Variants in STYX observed in about 807,000 individuals in gnomAD.
STYX encodes the protein serine/threonine/tyrosine-interacting protein.
Under a neutral mutation model 42.7 loss-of-function variants are expected in STYX, and 20 were observed. The observed-to-expected ratio is 0.47, with a 90% CI of 0.33 to 0.68. The LOEUF (loss-of-function observed/expected upper bound fraction) is 0.68. Among genes scored for constraint, STYX ranks in the 30% least tolerant of loss-of-function variants. The pLI, the probability that STYX is intolerant of heterozygous loss-of-function variation, is 0.02. For missense variants in STYX, 226 were observed against 268.5 expected (o/e 0.84, Z 1.11); for synonymous variants, 78 against 81.9 (o/e 0.95, Z 0.26).
chr14:52,774,241 T>C lies in STYX; in HGVS notation c.*3135T>C, dbSNP rs1231146130. On this transcript the variant is annotated 3_prime_UTR_variant, in exon 11 of 11. Transcript: ENST00000354586. ...TGTCAGAAAATGTTAAGCATGTCTG[T>C]ATTAAGAAAATATAAGGTTTCTAAT... 3 of 152,178 alleles carry C rather than the reference T, an allele frequency of 2.0e-5. No individual in the cohort carries two copies. Among genetic ancestry groups the C allele is most frequent in the African/African-American group, 7.2e-5 (3 of 41,448 alleles). The allele number at this position is 152,178 out of a possible 1,614,324, so 9.4% of individuals were successfully genotyped here. A position where few individuals can be genotyped will look rare whatever the true frequency, so the allele number is the denominator to read the frequency against.
chr14:52,763,488 T>C (rs1882180623), intron 9 of STYX, among the ~76,000 whole-genome samples: 2 of 152,208 alleles, frequency 1.3e-5, no homozygotes, highest in South Asian at 4.1e-4. Flanking sequence ...CTATTAATTA[T>C]CCTCTTTGCA....
chr14:52,759,063 T>A (rs1240942005), intron 8 of STYX, among the ~76,000 whole-genome samples: 1 of 152,188 alleles, frequency 6.6e-6, no homozygotes, highest in Non-Finnish European at 1.5e-5. Flanking sequence ...TAAATAAACC[T>A]CTTTAACCAG....
chr14:52,734,195 G>T (rs1594861615), intron 1 of STYX, among the ~76,000 whole-genome samples: 1 of 152,224 alleles, frequency 6.6e-6, no homozygotes, highest in East Asian at 1.9e-4. Flanking sequence ...TTTGCAACGG[G>T]AGTAGCCTCT....
chr14:52,755,113 G>GTT lies in STYX; in HGVS notation c.243-1432_243-1431dup, dbSNP rs199911952. 4.1e-4 allele frequency among the ~76,000 whole-genome samples: 45 copies of GTT among 110,678 alleles called. No homozygotes were observed. In the South Asian group the frequency reaches 0.014, roughly 33 times the overall value. The allele number at this position is 110,678 out of a possible 152,430, so 72.6% of individuals were successfully genotyped here. On this transcript the variant is annotated intron_variant, in intron 4 of 10. Coordinates refer to ENST00000354586, the MANE Select transcript of STYX (RefSeq NM_145251.4). ...TCAGCTTCTGTGTTTTTTTTTGTTT[G>GTT]TTTTTTTGTTTTTTTTTTTTTGTTT...
chr14:52,773,573 A>C lies in STYX; in HGVS notation c.*2467A>C, dbSNP rs1169673515. On this transcript the variant is annotated 3_prime_UTR_variant, in exon 11 of 11. Coordinates refer to ENST00000354586, the MANE Select transcript of STYX (RefSeq NM_145251.4). ...GGCTGGTCTCAAACTCCTGACCTCA[A>C]GTGATCCACCCACCTCGGCCTCCCA... is the stretch of plus-strand genomic sequence containing the variant. 6.6e-6 allele frequency: 1 copy of C among 152,046 alleles called. No homozygotes were observed. Among genetic ancestry groups the C allele is most frequent in the Non-Finnish European group, 1.5e-5 (1 of 68,038 alleles). The allele number at this position is 152,046 out of a possible 1,614,324, so 9.4% of individuals were successfully genotyped here. A position where few individuals can be genotyped will look rare whatever the true frequency, so the allele number is the denominator to read the frequency against.
At chr14:52,752,262 T>G (rs1881647779) in intron 4 of STYX, among the ~76,000 whole-genome samples, 1 of 151,346 alleles carries the variant, frequency 6.6e-6, no homozygotes, top group South Asian at 2.1e-4. Flanking sequence ...AGGTCGAGAT[T>G]GAGACTGTCC....
At chr14:52,735,264 T>C (rs997737950) in intron 1 of STYX, among the ~76,000 whole-genome samples, 17 of 152,162 alleles carry the variant, frequency 1.1e-4, no homozygotes, top group South Asian at 2.1e-4. Context: ...TGAGCTTGGT[T>C]ATTGAGGAAT....
In STYX at chr14:52,772,496, G is replaced by GTTTTTA. The variant is rs1882550814; in HGVS notation, c.*1391_*1396dup. The GTTTTTA allele has an allele frequency of 6.6e-6, 1 of 152,540 alleles. No homozygotes were observed. The highest frequency in any genetic ancestry group is 6.6e-5 in the Admixed American group (1 of 15,256). 9.4% of individuals were successfully genotyped at this position (152,540 alleles called of 1,614,324 possible). On this transcript the variant is annotated 3_prime_UTR_variant, in exon 11 of 11. Coordinates refer to ENST00000354586, the MANE Select transcript of STYX (RefSeq NM_145251.4). Reference sequence around the variant, plus strand: ...TAAGTATGTAAGGGAAGAGAGGAGTGTTTTTAACTTTTTATAGTTGATGAC... The same window carrying GTTTTTA: ...TAAGTATGTAAGGGAAGAGAGGAGTGTTTTTATTTTTAACTTTTTATAGTTGATGAC...
At chr14:52,730,899 G>T (rs573660361) in intron 1 of STYX, among the ~76,000 whole-genome samples, 17 of 152,312 alleles carry the variant, frequency 1.1e-4, no homozygotes, top group African/African-American at 4.1e-4. Flanking sequence ...CGATTCACTT[G>T]TGGGACACAT....
At chr14:52,756,084 A>G (rs778101477) in intron 4 of STYX, among the ~76,000 whole-genome samples, 8 of 152,176 alleles carry the variant, frequency 5.3e-5, no homozygotes, top group Admixed American at 1.3e-4. Flanking sequence ...CAGTGGCCCA[A>G]TCACAGCTTA....
At chr14:52,732,876 G>T (rs1460579549) in intron 1 of STYX, among the ~76,000 whole-genome samples, 1 of 151,592 alleles carries the variant, frequency 6.6e-6, no homozygotes, top group African/African-American at 2.4e-5. Context: ...TCACCATGTT[G>T]GCCCTGCTGG....
chr14:52,762,380 T>G (rs1200676435), intron 9 of STYX, among the ~76,000 whole-genome samples: 2 of 152,182 alleles, frequency 1.3e-5, no homozygotes, highest in Non-Finnish European at 2.9e-5. Context: ...TAGTTCTAGT[T>G]TTTGAACCGT....
intron 3 of STYX, among the ~76,000 whole-genome samples, chr14:52,749,060 A>C (rs1881504381): frequency 6.6e-6 from 1 of 152,248 alleles, no homozygotes; most frequent in Non-Finnish European, 1.5e-5. Flanking sequence ...AGGGTGGCTT[A>C]AACAACAGAC....
intron 9 of STYX, among the ~76,000 whole-genome samples, chr14:52,764,200 C>CCA (rs1244303273): frequency 6.6e-6 from 1 of 152,098 alleles, no homozygotes; most frequent in Non-Finnish European, 1.5e-5. Flanking sequence ...ACCATGTTGG[C>CCA]CAGGCTGGTC....
At chr14:52,739,632 CTTTTTTTTT>C (rs58454717) in intron 1 of STYX, among the ~76,000 whole-genome samples, 1 of 65,730 alleles carries the variant, frequency 1.5e-5, no homozygotes, top group African/African-American at 6.3e-5. Flanking sequence ...TCCTTTCTTT[CTTTTTTTTT>C]TTTTTTTTTT....
chr14:52,756,517 A>C, intron 4 of STYX, 34 bp from the exon 5 acceptor site: 2 of 1,275,866 alleles, frequency 1.6e-6, no homozygotes, highest in South Asian at 2.7e-5. Context: ...TGTTTTACTT[A>C]AAGTGTGCTT....
intron 3 of STYX, among the ~76,000 whole-genome samples, chr14:52,747,846 G>A (rs1208816648): frequency 3.3e-5 from 5 of 152,188 alleles, no homozygotes; most frequent in Non-Finnish European, 1.5e-5. Context: ...ACAAAAATTA[G>A]CTGGTTATGG....
In STYX at chr14:52,746,476, C is replaced by T. The variant is rs1311384425; in HGVS notation, c.141C>T (p.Ser47=). ...FLGPYSSAMK[S]KLPVLQKHGI... ...GCCCATATTCATCTGCTATGAAAAG[C>T]AAGGTATGAACTTTGTTAGATTCAT... is the stretch of plus-strand genomic sequence containing the variant. Residue 47 remains serine, a synonymous_variant, in exon 3 of 11, where the codon AGC becomes AGT. Transcript: ENST00000354586. 1 of 1,551,892 alleles carries T rather than the reference C, an allele frequency of 6.4e-7. No individual in the cohort carries two copies.
intron 10 of STYX, among the ~76,000 whole-genome samples, chr14:52,770,174 T>C (rs1297316151): frequency 6.6e-6 from 1 of 152,154 alleles, no homozygotes; most frequent in African/African-American, 2.4e-5. Context: ...TTAATCACAG[T>C]ATCTGGGTTT....
Sources: gnomAD v4.1 joint callset for allele counts (sites outside exome capture counted in the v4.1 genomes callset) on GRCh38, gnomAD v4.1.1 for gene constraint, MANE v1.5 for transcripts, NCBI Gene and HGNC (gene_info 2026-07-23, HGNC 2026-07-21) for gene names.